The following CPAP variants were observed in gnomAD, a reference collection of about 807,000 sequenced individuals.
CPAP encodes the protein centrosomal P4.1-associated protein.
the CPAP span, chr13:24,883,503 T>A: frequency 1.6e-6 from 1 of 609,616 alleles, no homozygotes; most frequent in East Asian, 2.8e-5. Context: ...CCCTATACAA[T>A]TGTAACTTTC....
At chr13:24,923,508 G>GA in the CPAP span, among the ~76,000 whole-genome samples, 1 of 152,174 alleles carries the variant, frequency 6.6e-6, no homozygotes, top group Non-Finnish European at 1.5e-5. Context: ...TGACAGTGCA[G>GA]AATTCAAGAA....
chr13:24,883,674 C>T, the CPAP span, among the ~76,000 whole-genome samples: 2 of 152,136 alleles, frequency 1.3e-5, no homozygotes, highest in Admixed American at 1.3e-4. Flanking sequence ...ATTTAAAAAC[C>T]ATCTGAGTGT....
chr13:24,920,195 A>G, the CPAP span, among the ~76,000 whole-genome samples: 8 of 152,358 alleles, frequency 5.3e-5, no homozygotes, highest in African/African-American at 1.4e-4. Context: ...TATAATACAC[A>G]TTGAAAATTC....
chr13:24,911,681 C>T, the CPAP span, among the ~76,000 whole-genome samples: 10 of 151,204 alleles, frequency 6.6e-5, no homozygotes, highest in Admixed American at 6.6e-4. Flanking sequence ...GGACTGCAGG[C>T]ATGGACCACC....
chr13:24,901,754 G>A, the CPAP span, among the ~76,000 whole-genome samples: 1 of 152,226 alleles, frequency 6.6e-6, no homozygotes, highest in African/African-American at 2.4e-5. Context: ...AACTTTGGGA[G>A]GCCAAGGCAG....
chr13:24,923,552 G>C, the CPAP span, among the ~76,000 whole-genome samples: 27 of 152,202 alleles, frequency 1.8e-4, no homozygotes, highest in South Asian at 5.4e-3. Flanking sequence ...AACTGCCACG[G>C]CCCTTTAATC....
the CPAP span, chr13:24,905,659 A>G: frequency 6.2e-7 from 1 of 1,614,228 alleles, no homozygotes. Flanking sequence ...TTTCATCATC[A>G]AAGTCCATTT....
chr13:24,890,921 ACT>A, the CPAP span, among the ~76,000 whole-genome samples: 1 of 151,696 alleles, frequency 6.6e-6, no homozygotes, highest in East Asian at 1.9e-4. Context: ...TTTCCTCTCC[ACT>A]GAGTCAGTCC....
chr13:24,891,021 A>C, the CPAP span, among the ~76,000 whole-genome samples: 1 of 151,914 alleles, frequency 6.6e-6, no homozygotes, highest in East Asian at 1.9e-4. Flanking sequence ...ATTTACTGCA[A>C]AACTATTAAA....
the CPAP span, among the ~76,000 whole-genome samples, chr13:24,898,291 C>A: frequency 2.0e-5 from 3 of 151,880 alleles, no homozygotes; most frequent in Admixed American, 1.3e-4. Flanking sequence ...TTTTTAAATT[C>A]CAGATTAAAA....
the CPAP span, among the ~76,000 whole-genome samples, chr13:24,891,258 G>GCTGCTCATCTGCTCCTCCCTGC: frequency 6.6e-6 from 1 of 151,992 alleles, no homozygotes; most frequent in East Asian, 1.9e-4. Flanking sequence ...CTGCTCTCTA[G>GCTGCTCATCTGCTCCTCCCTGC]CTGCTCATCT....
the CPAP span, chr13:24,905,616 T>C: frequency 1.2e-6 from 2 of 1,614,116 alleles, no homozygotes; most frequent in Non-Finnish European, 1.7e-6. Flanking sequence ...ACATCATGGT[T>C]ACACAAATTC....
chr13:24,885,452 A>C, the CPAP span: 1 of 1,241,312 alleles, frequency 8.1e-7, no homozygotes, highest in Non-Finnish European at 1.2e-6. Flanking sequence ...ATTCTGATAT[A>C]GGGTTCTAGG....
chr13:24,907,329 C>T, the CPAP span: 15 of 691,260 alleles, frequency 2.2e-5, no homozygotes, highest in Non-Finnish European at 3.8e-5. Context: ...CTTTGAGAAC[C>T]TAACAAAAGC....
the CPAP span, among the ~76,000 whole-genome samples, chr13:24,886,972 C>T: frequency 3.9e-5 from 6 of 152,194 alleles, no homozygotes; most frequent in Admixed American, 1.3e-4. Context: ...TAGACAGGCT[C>T]CAGGTGCAAG....
At chr13:24,914,400 C>T in the CPAP span, among the ~76,000 whole-genome samples, 3 of 152,118 alleles carry the variant, frequency 2.0e-5, no homozygotes, top group South Asian at 4.1e-4. Context: ...CAGAGCCAGG[C>T]TTCACTTCTT....
the CPAP span, chr13:24,905,691 A>C: frequency 2.5e-6 from 4 of 1,614,194 alleles, no homozygotes; most frequent in Non-Finnish European, 3.4e-6. Context: ...AGGGATGAGG[A>C]TCTCGAGGGC....
the CPAP span, among the ~76,000 whole-genome samples, chr13:24,926,589 G>A: frequency 6.6e-6 from 1 of 151,996 alleles, no homozygotes; most frequent in Non-Finnish European, 1.5e-5. Context: ...CTACCTGACC[G>A]CCTCCTCCTC....
the CPAP span, chr13:24,903,814 T>C: frequency 8.2e-7 from 1 of 1,212,980 alleles, no homozygotes; most frequent in Non-Finnish European, 1.2e-6. Flanking sequence ...TCACCTCCTT[T>C]TCAATTATAT....
Sources: allele counts gnomAD v4.1 joint callset (sites outside exome capture counted in the v4.1 genomes callset), GRCh38; gene constraint gnomAD v4.1.1; transcripts MANE v1.5; gene names NCBI Gene and HGNC (gene_info 2026-07-23, HGNC 2026-07-21).